The following DYNLT2 variants were observed in gnomAD, a reference collection of about 807,000 sequenced individuals.
The protein encoded by DYNLT2 is dynein light chain Tctex-type 2.
In DYNLT2, 24 loss-of-function variants were observed where a neutral mutation model predicts 24.3. The observed-to-expected ratio is 0.99, with a 90% CI of 0.71 to 1.39. The LOEUF is 1.39. Among genes scored for constraint, DYNLT2 ranks in the 40% most tolerant of loss-of-function variants. The probability of loss-of-function intolerance (pLI) is 0.00; values close to 1 mark genes in which losing one functional copy is unlikely to be tolerated. For missense variants in DYNLT2, 246 were observed against 234.5 expected (o/e 1.05, Z -0.32); for synonymous variants, 85 against 85.4 (o/e 1.00, Z 0.03).
chr6:169,743,116 T>G lies in DYNLT2; in HGVS notation c.450A>C (p.Lys150Asn). 6.3e-7 allele frequency: 1 copy of G among 1,577,824 alleles called. No individual in the cohort carries two copies. Among genetic ancestry groups the G allele is most frequent in the Non-Finnish European group, 8.6e-7 (1 of 1,156,852 alleles). The change falls in exon 3 of 4, where the codon AAA becomes AAC. Residue 150 changes from lysine to asparagine, a missense_variant. Coordinates refer to ENST00000366774, the MANE Select transcript of DYNLT2 (RefSeq NM_174910.3). ...GGCCAGTCTTTTGAATAAATAATAC[T>G]TTTATAATGAACTTATAACGGTGGT... ...FGYHRYKFII[K>N]VLFIQKTGQA...
the DYNLT2 span, chr6:169,725,697 C>T: frequency 6.1e-6 from 1 of 163,062 alleles, no homozygotes; most frequent in African/African-American, 2.4e-5. Context: ...TACTCCTCTC[C>T]CTCCGGGATT....
At chr6:169,732,843 C>G in the DYNLT2 span, among the ~76,000 whole-genome samples, 3 of 152,270 alleles carry the variant, frequency 2.0e-5, no homozygotes, top group Admixed American at 6.5e-5. Flanking sequence ...GGTTCTAGAT[C>G]CTTGAGGAAT....
chr6:169,736,963 G>T (rs1208460784), downstream of DYNLT2, among the ~76,000 whole-genome samples: 1 of 151,092 alleles, frequency 6.6e-6, no homozygotes, highest in South Asian at 2.1e-4. Context: ...TCAATCGTAG[G>T]TTTGGCCTTT....
chr6:169,745,808 C>T (rs1337660115), intron 1 of DYNLT2, among the ~76,000 whole-genome samples: 1 of 152,130 alleles, frequency 6.6e-6, no homozygotes, highest in East Asian at 1.9e-4. Context: ...AGACAGTATT[C>T]TCTCTGCTTT....
At chr6:169,747,632 TCA>T (rs1320889047) in intron 1 of DYNLT2, among the ~76,000 whole-genome samples, 1 of 152,190 alleles carries the variant, frequency 6.6e-6, no homozygotes, top group Non-Finnish European at 1.5e-5. Context: ...TTTAACATGC[TCA>T]GTCTTTCTCT....
chr6:169,734,749 T>A, the DYNLT2 span, among the ~76,000 whole-genome samples: 1 of 152,018 alleles, frequency 6.6e-6, no homozygotes, highest in Non-Finnish European at 1.5e-5. Flanking sequence ...GAAGTTTTCT[T>A]TTTTTTTGTT....
downstream of DYNLT2, among the ~76,000 whole-genome samples, chr6:169,739,572 A>T (rs947321171): frequency 6.6e-6 from 1 of 152,158 alleles, no homozygotes; most frequent in African/African-American, 2.4e-5. Flanking sequence ...TAAACAATTA[A>T]TATGAATTTT....
chr6:169,738,030 A>G (rs1789597550), downstream of DYNLT2, among the ~76,000 whole-genome samples: 1 of 152,162 alleles, frequency 6.6e-6, no homozygotes, highest in Admixed American at 6.5e-5. Flanking sequence ...ATCCTGCAGG[A>G]AAGCCACTGA....
At chr6:169,731,747 C>G in the DYNLT2 span, among the ~76,000 whole-genome samples, 1 of 152,088 alleles carries the variant, frequency 6.6e-6, no homozygotes, top group Admixed American at 6.6e-5. Flanking sequence ...AAAATTGAAG[C>G]TATTTTGAGC....
downstream of DYNLT2, among the ~76,000 whole-genome samples, chr6:169,735,440 C>G (rs1789542190): frequency 6.6e-6 from 1 of 152,174 alleles, no homozygotes; most frequent in Non-Finnish European, 1.5e-5. Flanking sequence ...AAATTTCCCT[C>G]TTAACACTGC....
chr6:169,741,423 C>G (rs1585317402), intron 3 of DYNLT2, among the ~76,000 whole-genome samples: 1 of 152,218 alleles, frequency 6.6e-6, no homozygotes, highest in African/African-American at 2.4e-5. Flanking sequence ...CCTGCAGGCC[C>G]AGGTAAGTCA....
At chr6:169,738,792 G>A (rs1187308451), downstream of DYNLT2, 1 of 152,374 alleles carries the variant, frequency 6.6e-6, no homozygotes, top group African/African-American at 2.4e-5. Context: ...CATGGCGCAA[G>A]GCAAAGGGAA....
At chr6:169,742,954 CT>C (rs1789711422) in intron 3 of DYNLT2, 125 bp downstream of exon 3, 1 of 752,508 alleles carries the variant, frequency 1.3e-6, no homozygotes, top group African/African-American at 1.8e-5. Flanking sequence ...CAACATGATA[CT>C]TTCCTTCAAA....
chr6:169,730,015 T>A, the DYNLT2 span, among the ~76,000 whole-genome samples: 4 of 152,262 alleles, frequency 2.6e-5, no homozygotes, highest in Non-Finnish European at 5.9e-5. Flanking sequence ...ACTGAAGAGC[T>A]AGCTGTGAAT....
chr6:169,742,662 G>A (rs1257623001), intron 3 of DYNLT2, among the ~76,000 whole-genome samples: 3 of 151,868 alleles, frequency 2.0e-5, no homozygotes, highest in Non-Finnish European at 2.9e-5. Flanking sequence ...GCAGTGGAGC[G>A]AACTCGGGCC....
At chr6:169,738,387 G>A (rs191697911), downstream of DYNLT2, among the ~76,000 whole-genome samples, 886 of 152,348 alleles carry the variant, frequency 5.8e-3, 3 homozygotes, top group Middle Eastern at 0.01. Context: ...GAATCTGCGC[G>A]TTCCAGGGTT....
downstream of DYNLT2, among the ~76,000 whole-genome samples, chr6:169,739,486 G>T (rs1789630557): frequency 6.6e-6 from 1 of 152,176 alleles, no homozygotes; most frequent in African/African-American, 2.4e-5. Flanking sequence ...GTGGAAGTCT[G>T]TGGGGAGAAT....
At chr6:169,726,725 A>G in the DYNLT2 span, among the ~76,000 whole-genome samples, 468 of 152,354 alleles carry the variant, frequency 3.1e-3, 7 homozygotes, top group Non-Finnish European at 2.7e-3. Flanking sequence ...ATGTCCAATT[A>G]TTCCACAAAT....
chr6:169,738,410 C>T (rs528227952), downstream of DYNLT2, among the ~76,000 whole-genome samples: 5 of 152,310 alleles, frequency 3.3e-5, no homozygotes, highest in East Asian at 7.7e-4. Flanking sequence ...GATGCTAGCC[C>T]CAGTGGCGTG....
Sources: gnomAD v4.1 joint callset for allele counts (sites outside exome capture counted in the v4.1 genomes callset) on GRCh38, gnomAD v4.1.1 for gene constraint, MANE v1.5 for transcripts, NCBI Gene and HGNC (gene_info 2026-07-23, HGNC 2026-07-21) for gene names.